Variants in ARHGEF7 observed in about 807,000 individuals in gnomAD.
ARHGEF7 encodes Rho guanine nucleotide exchange factor 7.
ARHGEF7 carries 33 observed loss-of-function variants against 109.8 expected under a neutral mutation model. That is an observed-to-expected ratio of 0.30 (90% CI 0.23 to 0.40). The LOEUF is 0.40. ARHGEF7 is among the 10% of genes least tolerant of loss of function. ARHGEF7 has a pLI of 1.00. For missense variants in ARHGEF7, 938 were observed against 1,098.5 expected, an observed-to-expected ratio of 0.85 and a Z score of 2.07; for synonymous variants, 458 against 424.6, an observed-to-expected ratio of 1.08 and a Z score of -0.97.
intron 2 of ARHGEF7, among the ~76,000 whole-genome samples, chr13:111,180,279 T>C (rs774041072): frequency 1.3e-5 from 2 of 152,192 alleles, no homozygotes; most frequent in Non-Finnish European, 2.9e-5. Context: ...CTGTTTTACT[T>C]CCCTTACGAG....
At chr13:111,300,506 A>G (rs1330514936) in intron 19 of ARHGEF7, among the ~76,000 whole-genome samples, 1 of 152,142 alleles carries the variant, frequency 6.6e-6, no homozygotes, top group Non-Finnish European at 1.5e-5. Flanking sequence ...CGTAATTCCG[A>G]TTTGAAAAGG....
intron 1 of ARHGEF7, among the ~76,000 whole-genome samples, chr13:111,134,340 T>C (rs1292763842): frequency 6.6e-6 from 1 of 152,248 alleles, no homozygotes; most frequent in African/African-American, 2.4e-5. Context: ...ATAGTATTTC[T>C]AGTTCTAGAT....
intron 5 of ARHGEF7, among the ~76,000 whole-genome samples, chr13:111,223,120 G>T (rs532076089): frequency 6.6e-6 from 1 of 152,336 alleles, no homozygotes; most frequent in Non-Finnish European, 1.5e-5. Flanking sequence ...AGATATAGCT[G>T]CAGTTTCAGA....
rs990112247 is a variant in ARHGEF7 at position 111,233,097 on chromosome 13, G to A, written c.671-108G>A. The A allele has an allele frequency of 3.2e-6, 3 of 946,268 alleles. No homozygotes were observed. In the African/African-American group the frequency reaches 4.9e-5, roughly 15 times the overall value. 58.6% of individuals were successfully genotyped at this position (946,268 alleles called of 1,614,324 possible). ...TTTTCCTTGGCTTGCCATTTGGCTTGTTAATTCAGTGAGGCTGCTGGATGA... is the reference window on the plus strand; with the variant it reads ...TTTTCCTTGGCTTGCCATTTGGCTTATTAATTCAGTGAGGCTGCTGGATGA... On this transcript the variant is annotated intron_variant, in intron 5 of 21. Coordinates refer to ENST00000646102, the MANE Select transcript of ARHGEF7 (RefSeq NM_001354046.2).
Position 111,208,284 on chromosome 13 carries a change from C to A in ARHGEF7, c.338-1588C>A, listed in dbSNP as rs569588680. 1.2e-4 allele frequency among the ~76,000 whole-genome samples: 19 copies of A among 152,302 alleles called. No individual in the cohort carries two copies. In the East Asian group the frequency reaches 3.7e-3, roughly 29 times the overall value. ...GGAACTCCCAGCCTCAGGTGATCCA[C>A]CAGCCTCTGCCTCCCTAAGTGTTAG... is the stretch of plus-strand genomic sequence containing the variant. On this transcript the variant is annotated intron_variant, in intron 3 of 21. Coordinates refer to ENST00000646102, the MANE Select transcript of ARHGEF7 (RefSeq NM_001354046.2).
intron 8 of ARHGEF7, among the ~76,000 whole-genome samples, chr13:111,256,698 C>CT (rs1239812568): frequency 2.0e-5 from 3 of 152,194 alleles, no homozygotes; most frequent in Admixed American, 6.5e-5. Flanking sequence ...TTTAGTGTAT[C>CT]TTTAACTCTT....
chr13:111,173,140 CT>C (rs1316270808), intron 2 of ARHGEF7, among the ~76,000 whole-genome samples: 1 of 152,072 alleles, frequency 6.6e-6, no homozygotes, highest in African/African-American at 2.4e-5. Context: ...CACCTTTTTT[CT>C]TTTCACAGAG....
chr13:111,286,810 T>C (rs1161259683), intron 17 of ARHGEF7, among the ~76,000 whole-genome samples: 3 of 152,164 alleles, frequency 2.0e-5, no homozygotes, highest in Non-Finnish European at 4.4e-5. Context: ...TGGAGCTCTT[T>C]TCAGAAGTAA....
chr13:111,176,548 CCCCT>C (rs1490906748), intron 2 of ARHGEF7, among the ~76,000 whole-genome samples: 1 of 152,164 alleles, frequency 6.6e-6, no homozygotes, highest in Non-Finnish European at 1.5e-5. Flanking sequence ...ACCCACGTAG[CCCCT>C]GCCTGCCACC....
chr13:111,212,605 A>C (rs545613116), intron 4 of ARHGEF7, among the ~76,000 whole-genome samples: 1 of 151,980 alleles, frequency 6.6e-6, no homozygotes, highest in South Asian at 2.1e-4. Flanking sequence ...TTGATTTCTT[A>C]AAGTGCTGCT....
At chr13:111,186,184 G>A (rs1242797962) in intron 2 of ARHGEF7, among the ~76,000 whole-genome samples, 1 of 152,122 alleles carries the variant, frequency 6.6e-6, no homozygotes, top group Non-Finnish European at 1.5e-5. Flanking sequence ...AAGGCAGAGA[G>A]CATCTTGTTG....
chr13:111,187,508 G>T (rs2079392234), intron 2 of ARHGEF7, among the ~76,000 whole-genome samples: 1 of 152,046 alleles, frequency 6.6e-6, no homozygotes, highest in African/African-American at 2.4e-5. Flanking sequence ...TCCTTTTTTT[G>T]TTTAAGCCAA....
intron 2 of ARHGEF7, among the ~76,000 whole-genome samples, chr13:111,162,734 G>A (rs1262522691): frequency 6.6e-6 from 1 of 152,142 alleles, no homozygotes; most frequent in Non-Finnish European, 1.5e-5. Flanking sequence ...CTAATGCTCA[G>A]TTCTCTTTTA....
chr13:111,247,668 C>T (rs2089120153), intron 8 of ARHGEF7, among the ~76,000 whole-genome samples: 1 of 152,080 alleles, frequency 6.6e-6, no homozygotes, highest in South Asian at 2.1e-4. Flanking sequence ...TTGGTTAGAC[C>T]CAGGAGTTGG....
chr13:111,288,408 G>C lies in ARHGEF7; in HGVS notation c.2099G>C (p.Cys700Ser). ...ATTCTGAAAGTCATTGAAGCTTACT[G>C]CACCAGCGCCAAAACAAGGCAAACA... Reference protein sequence around the residue: ...AQILKVIEAYCTSAKTRQTLN... With the variant: ...AQILKVIEAYSTSAKTRQTLN... The change falls in exon 18 of 22, where the codon TGC becomes TCC. Residue 700 changes from cysteine (C) to serine (S), a missense_variant. By Grantham distance (112) the Cys-to-Ser change is moderately radical. Transcript: ENST00000646102. 6.2e-7 allele frequency: 1 copy of C among 1,613,796 alleles called. No individual in the cohort carries two copies. Among genetic ancestry groups the C allele is most frequent in the Non-Finnish European group, 8.5e-7 (1 of 1,179,718 alleles).
intron 1 of ARHGEF7, chr13:111,144,858 G>T (rs2075511197): frequency 1.3e-5 from 2 of 152,122 alleles, no homozygotes; most frequent in Non-Finnish European, 2.9e-5. Context: ...AATAATACTT[G>T]CACATGGGAC....
chr13:111,168,216 T>C (rs374153548), intron 2 of ARHGEF7, among the ~76,000 whole-genome samples: 50 of 152,002 alleles, frequency 3.3e-4, no homozygotes, highest in African/African-American at 1.2e-3. Flanking sequence ...CCCCTGTGCC[T>C]GCTTCTCTGC....
At chr13:111,153,380 C>CAGGG (rs1457304465) in intron 1 of ARHGEF7, among the ~76,000 whole-genome samples, 3 of 152,042 alleles carry the variant, frequency 2.0e-5, no homozygotes, top group Non-Finnish European at 4.4e-5. Flanking sequence ...GGACCTGGAG[C>CAGGG]AGGGAGGAGG....
chr13:111,247,956 C>T (rs1449455271), intron 8 of ARHGEF7, among the ~76,000 whole-genome samples: 1 of 152,164 alleles, frequency 6.6e-6, no homozygotes, highest in African/African-American at 2.4e-5. Context: ...CGTTCTGAGG[C>T]CCATGTTTGT....
Sources: allele counts gnomAD v4.1 joint callset (sites outside exome capture counted in the v4.1 genomes callset), GRCh38; gene constraint gnomAD v4.1.1; transcripts MANE v1.5; gene names NCBI Gene and HGNC (gene_info 2026-07-23, HGNC 2026-07-21).